The following DOCK3 variants were observed in gnomAD, a reference collection of about 807,000 sequenced individuals.
The protein encoded by DOCK3 is dedicator of cytokinesis 3, also known as dedicator of cytokinesis protein 3.
DOCK3 carries 60 observed loss-of-function variants against 265.6 expected under a neutral mutation model. The observed-to-expected ratio is 0.23, with a 90% CI of 0.18 to 0.28. DOCK3 has a LOEUF of 0.28. Ranked by LOEUF, DOCK3 falls within the 10% of genes least tolerant of loss-of-function variation. DOCK3 has a pLI of 1.00. For synonymous variants in DOCK3, 881 were observed against 938.0 expected (o/e 0.94, Z 1.11); for missense variants, 1,981 against 2,594.3 (o/e 0.76, Z 5.14).
chr3:51,163,981 T>C (rs6777719), intron 12 of DOCK3, among the ~76,000 whole-genome samples: 138,763 of 152,170 alleles, frequency 0.91, 63,421 homozygotes, highest in African/African-American at 0.96. Flanking sequence ...AATTATCTGA[T>C]ACAGTTTTCC....
chr3:51,226,046 A>G (rs2355941), intron 15 of DOCK3, among the ~76,000 whole-genome samples: 138,856 of 152,252 alleles, frequency 0.91, 63,465 homozygotes, highest in African/African-American at 0.96. Context: ...CCTACATGTT[A>G]CCTCTCCTGT....
intron 2 of DOCK3, among the ~76,000 whole-genome samples, chr3:50,801,788 G>A (rs1371481979): frequency 6.6e-6 from 1 of 152,186 alleles, no homozygotes; most frequent in Non-Finnish European, 1.5e-5. Context: ...CCATTGCTGA[G>A]AGTGGAGTGT....
chr3:51,201,443 A>G (rs2088765849), intron 12 of DOCK3, among the ~76,000 whole-genome samples: 2 of 152,234 alleles, frequency 1.3e-5, no homozygotes, highest in African/African-American at 4.8e-5. Flanking sequence ...CAATAATGGT[A>G]AAGGGATCAA....
At chr3:50,718,274 A>G (rs927595993) in intron 1 of DOCK3, among the ~76,000 whole-genome samples, 6 of 152,146 alleles carry the variant, frequency 3.9e-5, no homozygotes, top group Admixed American at 1.3e-4. Context: ...TGTTTCCTCA[A>G]TAAGAGATCA....
chr3:51,356,816 C>T, intron 43 of DOCK3, 146 bp from the exon 44 acceptor site: 2 of 954,458 alleles, frequency 2.1e-6, no homozygotes, highest in Admixed American at 2.9e-5. Context: ...AATCAGACAA[C>T]AGAAGTGGAA....
chr3:51,290,092 G>C (rs999986826), intron 27 of DOCK3, among the ~76,000 whole-genome samples: 2 of 152,336 alleles, frequency 1.3e-5, no homozygotes, highest in Admixed American at 6.5e-5. Context: ...TGGTGGGACT[G>C]TAAACTGGTT....
chr3:51,312,436 T>G, intron 29 of DOCK3, 40 bp from the exon 30 acceptor site: 1 of 1,563,706 alleles, frequency 6.4e-7, no homozygotes, highest in Non-Finnish European at 8.8e-7. Flanking sequence ...CAAGATTAAG[T>G]TCTTAGACTG....
At position 51,229,575 on chromosome 3, in the gene DOCK3, G is replaced by A. The variant is rs200043819; in HGVS notation, c.1883G>A (p.Arg628Gln). 4.6e-5 allele frequency: 74 copies of A among 1,607,190 alleles called. No homozygotes were observed. Among genetic ancestry groups the A allele is most frequent in the Non-Finnish European group, 5.8e-5 (68 of 1,176,638 alleles). ...GACCGGATCATGGATGTACTAGGGC[G>A]GCTGCGGCATGTCAGTGGGGAGGAA... is the stretch of plus-strand genomic sequence containing the variant. Reference protein sequence around the residue: ...FPDRIMDVLGRLRHVSGEEIV... With the variant: ...FPDRIMDVLGQLRHVSGEEIV... Residue 628 changes from arginine (R) to glutamine (Q), a missense_variant, in exon 19 of 53, where the codon CGG (arginine) becomes CAG (glutamine). By Grantham distance (43) the Arg-to-Gln change is conservative. Transcript: ENST00000266037.
intron 7 of DOCK3, among the ~76,000 whole-genome samples, chr3:51,081,895 CAAA>C (rs56305507): frequency 1.7e-5 from 2 of 117,622 alleles, no homozygotes; most frequent in Non-Finnish European, 3.4e-5. Flanking sequence ...GACTCTGTCT[CAAA>C]AAAAAAAAAA....
intron 14 of DOCK3, among the ~76,000 whole-genome samples, chr3:51,217,424 A>G (rs1408059350): frequency 6.6e-6 from 1 of 152,246 alleles, no homozygotes; most frequent in East Asian, 1.9e-4. Context: ...AATGAGCAAG[A>G]GGCAACAGTG....
At chr3:50,793,268 T>G (rs1342408619) in intron 2 of DOCK3, among the ~76,000 whole-genome samples, 1 of 152,152 alleles carries the variant, frequency 6.6e-6, no homozygotes, top group Admixed American at 6.5e-5. Flanking sequence ...CTTTGCTGTT[T>G]CTAATTGTGT....
chr3:51,264,940 A>G (rs2080081795), intron 23 of DOCK3, among the ~76,000 whole-genome samples: 1 of 152,072 alleles, frequency 6.6e-6, no homozygotes, highest in African/African-American at 2.4e-5. Context: ...GATTAACAAA[A>G]TAGATAGACT....
intron 4 of DOCK3, among the ~76,000 whole-genome samples, chr3:50,896,805 T>G (rs1172185229): frequency 6.6e-6 from 1 of 152,170 alleles, no homozygotes. Flanking sequence ...GTTGTAGACA[T>G]GTAGTGTTAT....
intron 3 of DOCK3, among the ~76,000 whole-genome samples, chr3:50,857,580 A>G (rs1456110352): frequency 6.6e-6 from 1 of 152,312 alleles, no homozygotes; most frequent in Non-Finnish European, 1.5e-5. Flanking sequence ...AACTTAAACA[A>G]ATTTACAAGA....
At chr3:51,201,335 C>T (rs1357409872) in intron 12 of DOCK3, among the ~76,000 whole-genome samples, 1 of 151,208 alleles carries the variant, frequency 6.6e-6, no homozygotes, top group East Asian at 1.9e-4. Flanking sequence ...GGAAGATCTA[C>T]CAAGCAAATG....
At chr3:50,928,436 G>A (rs2050886350) in intron 4 of DOCK3, among the ~76,000 whole-genome samples, 1 of 152,038 alleles carries the variant, frequency 6.6e-6, no homozygotes, top group South Asian at 2.1e-4. Flanking sequence ...CACTAGCATA[G>A]TGCTTTCATG....
At chr3:51,202,393 T>C (rs2088847919) in intron 12 of DOCK3, among the ~76,000 whole-genome samples, 1 of 150,702 alleles carries the variant, frequency 6.6e-6, no homozygotes, top group African/African-American at 2.4e-5. Context: ...CAAACACCTC[T>C]ACGCAAATAA....
At chr3:50,784,927 C>A (rs762287600) in intron 2 of DOCK3, among the ~76,000 whole-genome samples, 1 of 152,112 alleles carries the variant, frequency 6.6e-6, no homozygotes, top group Non-Finnish European at 1.5e-5. Flanking sequence ...GAAGCCAAGG[C>A]GGGCAGATCA....
intron 4 of DOCK3, among the ~76,000 whole-genome samples, chr3:50,914,233 G>A (rs1322697309): frequency 6.6e-6 from 1 of 151,444 alleles, no homozygotes; most frequent in Admixed American, 6.6e-5. Flanking sequence ...TTAACTTTAG[G>A]TTTGGTTTGT....
Sources: allele counts gnomAD v4.1 joint callset (sites outside exome capture counted in the v4.1 genomes callset), GRCh38; gene constraint gnomAD v4.1.1; transcripts MANE v1.5; gene names NCBI Gene and HGNC (gene_info 2026-07-23, HGNC 2026-07-21).